ADGRV1: variants seen among roughly 807,000 people sequenced by gnomAD.
ADGRV1 encodes adhesion G protein-coupled receptor V1.
A neutral mutation model predicts 596.2 loss-of-function variants in ADGRV1; 359 were observed. The observed-to-expected ratio is 0.60, with a 90% CI of 0.55 to 0.66. The LOEUF (loss-of-function observed/expected upper bound fraction) is 0.66, where lower values mean the gene tolerates loss of function less well. Among genes scored for constraint, ADGRV1 ranks in the 30% least tolerant of loss-of-function variants. The pLI, the probability that ADGRV1 is intolerant of heterozygous loss-of-function variation, is 0.00. For missense variants in ADGRV1, 7,274 were observed against 7,575.6 expected, an observed-to-expected ratio of 0.96 and a Z score of 1.48; for synonymous variants, 2,681 against 2,679.2, an observed-to-expected ratio of 1.00 and a Z score of -0.02.
At chr5:90,764,473 T>C (rs760630486) in intron 59 of ADGRV1, among the ~76,000 whole-genome samples, 2 of 152,116 alleles carry the variant, frequency 1.3e-5, no homozygotes, top group Admixed American at 6.5e-5. Flanking sequence ...TAAGTACCAG[T>C]GGGAAGAACC....
intron 73 of ADGRV1, 119 bp from the exon 74 acceptor site, chr5:90,810,114 G>A (rs948849330): frequency 2.6e-5 from 20 of 770,726 alleles, no homozygotes; most frequent in African/African-American, 5.3e-5. Context: ...GAAATGGCAC[G>A]TCATTGTTAA....
At chr5:91,073,286 G>A (rs1388735639) in intron 86 of ADGRV1, among the ~76,000 whole-genome samples, 1 of 152,136 alleles carries the variant, frequency 6.6e-6, no homozygotes, top group East Asian at 1.9e-4. Flanking sequence ...TGAGTGACTG[G>A]GATATTAGGG....
intron 84 of ADGRV1, among the ~76,000 whole-genome samples, chr5:90,978,187 A>G (rs982798320): frequency 6.6e-6 from 1 of 151,806 alleles, no homozygotes; most frequent in Non-Finnish European, 1.5e-5. Flanking sequence ...CCCAGCTACT[A>G]GGGAGGCTGA....
intron 85 of ADGRV1, among the ~76,000 whole-genome samples, chr5:91,038,810 A>G (rs1191940312): frequency 6.6e-6 from 1 of 152,180 alleles, no homozygotes; most frequent in African/African-American, 2.4e-5. Context: ...CACTCACCTC[A>G]ATATACAGGT....
At chr5:91,058,386 C>A (rs193207056) in intron 85 of ADGRV1, among the ~76,000 whole-genome samples, 15 of 152,130 alleles carry the variant, frequency 9.9e-5, no homozygotes, top group African/African-American at 2.9e-4. Flanking sequence ...GATCTTCCAG[C>A]AGTCACCCCA....
In ADGRV1 at chr5:90,710,597, A is replaced by T. The variant is rs551788354; in HGVS notation, c.8825-384A>T. Among the ~76,000 whole-genome samples the T allele has an allele frequency of 1.7e-4, 25 of 145,336 alleles. 1 individual carries two copies. The South Asian group carries it at 3.5e-3, about 21-fold the overall frequency. Reference sequence around the variant, plus strand: ...CTTGCACTTCTTTCATTTATTTTTCATTTTTTTTTGCTCTTTCTACTCCTT... The same window carrying T: ...CTTGCACTTCTTTCATTTATTTTTCTTTTTTTTTTGCTCTTTCTACTCCTT... On this transcript the variant is annotated intron_variant, in intron 39 of 89. Transcript: ENST00000405460.
rs375621749 is a variant in ADGRV1 at position 90,672,580 on chromosome 5, T to C, written c.4787T>C (p.Val1596Ala). ...AEEGSTISCV[V>A]ERTRGALDYV... Reference sequence around the variant, plus strand: ...GAGGGATCAACCATTTCTTGTGTGGTTGAGAGAACCAGAGGAGCTCTGGAT... The same window carrying C: ...GAGGGATCAACCATTTCTTGTGTGGCTGAGAGAACCAGAGGAGCTCTGGAT... The change falls in exon 22 of 90, where the codon GTT becomes GCT. Residue 1596 changes from valine to alanine, a missense_variant. Around this residue, in one of 5 missense-constraint regions of ADGRV1, gnomAD observed 3,643 missense variants for 3,809.2 expected, o/e 0.96. Transcript: ENST00000405460. The C allele has an allele frequency of 1.1e-5, 18 of 1,613,698 alleles. No homozygotes were observed. The highest frequency in any genetic ancestry group is 6.7e-5 in the Admixed American group (4 of 59,980).
Position 90,748,639 on chromosome 5 carries a change from T to C in ADGRV1, c.10975-1912T>C, listed in dbSNP as rs1754896872. On this transcript the variant is annotated intron_variant, in intron 52 of 89. Coordinates refer to ENST00000405460, the MANE Select transcript of ADGRV1 (RefSeq NM_032119.4). ...GTTAGAAAGAAACAAGAGGACCCTA[T>C]TCTTATTAGGTACTCACTTGTTTCT... is the stretch of plus-strand genomic sequence containing the variant. 2.6e-5 allele frequency among the ~76,000 whole-genome samples: 4 copies of C among 152,216 alleles called. No homozygotes were observed. The South Asian group carries it at 8.3e-4, about 32-fold the overall frequency.
At position 90,653,764 on chromosome 5, in the gene ADGRV1, C is replaced by T. The variant is rs1561464526; in HGVS notation, c.4190C>T (p.Ser1397Phe). The change falls in exon 20 of 90, where the codon TCC (serine) becomes TTC (phenylalanine). Residue 1397 changes from serine to phenylalanine, a missense_variant. By Grantham distance (155) the Ser-to-Phe change is radical. This residue lies in a region of ADGRV1 where 1,715 missense variants were observed against 1,708.8 expected (regional missense o/e 1.00). Coordinates refer to ENST00000405460, the MANE Select transcript of ADGRV1 (RefSeq NM_032119.4). ...IQTNESHVTL[S>F]LHYKTLGSNA... ...ACAAACGAATCCCATGTGACACTTT[C>T]CCTTCATTATAAAACCTTGGGTTCC... is the stretch of plus-strand genomic sequence containing the variant. The T allele has an allele frequency of 6.2e-7, 1 of 1,613,124 alleles. No individual in the cohort carries two copies. The highest frequency in any genetic ancestry group is 1.3e-5 in the African/African-American group (1 of 74,934).
At chr5:91,038,985 A>G (rs1265522344) in intron 85 of ADGRV1, among the ~76,000 whole-genome samples, 1 of 152,200 alleles carries the variant, frequency 6.6e-6, no homozygotes, top group Non-Finnish European at 1.5e-5. Context: ...AATGAGGAGT[A>G]TGTCCTTTTC....
chr5:90,686,164 G>GT (rs1745609063), intron 29 of ADGRV1, among the ~76,000 whole-genome samples, 169 bp downstream of exon 29: 1 of 145,214 alleles, frequency 6.9e-6, no homozygotes, highest in Admixed American at 6.8e-5. Context: ...TTTTTTTTTG[G>GT]GGGGGGGGAT....
At chr5:91,151,319 T>C (rs191216663) in intron 88 of ADGRV1, among the ~76,000 whole-genome samples, 13 of 152,306 alleles carry the variant, frequency 8.5e-5, no homozygotes, top group Admixed American at 3.3e-4. Flanking sequence ...AATTTTTATA[T>C]ACAGAATTAT....
At chr5:90,672,385 C>CA (rs1466579551) in intron 21 of ADGRV1, among the ~76,000 whole-genome samples, 161 bp from the exon 22 acceptor site, 12 of 152,112 alleles carry the variant, frequency 7.9e-5, no homozygotes, top group African/African-American at 2.9e-4. Context: ...TCTTAGCAGT[C>CA]AAAGTTTATC....
intron 27 of ADGRV1, among the ~76,000 whole-genome samples, chr5:90,682,046 A>G (rs1745016521): frequency 6.6e-6 from 1 of 151,984 alleles, no homozygotes; most frequent in Non-Finnish European, 1.5e-5. Flanking sequence ...TTGTATTTTT[A>G]GTAGAGACGG....
intron 7 of ADGRV1, 185 bp downstream of exon 7, chr5:90,627,961 C>CACAA (rs1491307206): frequency 1.3e-5 from 5 of 384,872 alleles, no homozygotes; most frequent in Non-Finnish European, 2.3e-5. Flanking sequence ...CACACACACA[C>CACAA]AAGAATATGT....
chr5:90,982,348 A>C (rs1780144719), intron 84 of ADGRV1, among the ~76,000 whole-genome samples: 1 of 152,192 alleles, frequency 6.6e-6, no homozygotes, highest in South Asian at 2.1e-4. Flanking sequence ...TGATGGTATT[A>C]AGTGAGGACA....
At chr5:90,938,355 C>T (rs1408153549) in intron 83 of ADGRV1, among the ~76,000 whole-genome samples, 2 of 152,128 alleles carry the variant, frequency 1.3e-5, no homozygotes, top group African/African-American at 2.4e-5. Context: ...TTTAGATTGG[C>T]TTAATCTTAG....
In ADGRV1 at chr5:90,629,199, C is replaced by A; in HGVS notation, c.1510-11C>A. 1.4e-6 allele frequency: 2 copies of A among 1,476,838 alleles called. No homozygotes were observed. The highest frequency in any genetic ancestry group is 9.1e-7 in the Non-Finnish European group (1 of 1,103,934). 91.5% of individuals were successfully genotyped at this position (1,476,838 alleles called of 1,614,324 possible). A position where few individuals can be genotyped will look rare whatever the true frequency, so the allele number is the denominator to read the frequency against. On this transcript the variant is annotated splice_polypyrimidine_tract_variant and intron_variant, in intron 8 of 89. Coordinates refer to ENST00000405460, the MANE Select transcript of ADGRV1 (RefSeq NM_032119.4). ...AATTCTGTACTTTAATATTTTATTC[C>A]TTTACTTCAGCTTTTGTTCTACATT... is the stretch of plus-strand genomic sequence containing the variant.
At chr5:90,595,835 C>G (rs191486470) in intron 1 of ADGRV1, among the ~76,000 whole-genome samples, 23,803 of 136,722 alleles carry the variant, frequency 0.17, 3,273 homozygotes, top group African/African-American at 0.39. Flanking sequence ...GCCGGGTGGG[C>G]GGCTGACGCC....
Sources: gnomAD v4.1 joint callset for allele counts (sites outside exome capture counted in the v4.1 genomes callset) on GRCh38, gnomAD v4.1.1 for gene constraint, gnomAD v4.1.1 regional missense constraint, MANE v1.5 for transcripts, NCBI Gene and HGNC (gene_info 2026-07-23, HGNC 2026-07-21) for gene names.